The following FAM117A variants were observed in gnomAD, a reference collection of about 807,000 sequenced individuals.
The protein encoded by FAM117A is family with sequence similarity 117 member A, also known as protein FAM117A.
Under a neutral mutation model 44.1 loss-of-function variants are expected in FAM117A, and 21 were observed. The ratio of observed to expected loss-of-function variants is 0.48; its 90% CI spans 0.34 to 0.69. The LOEUF (loss-of-function observed/expected upper bound fraction) is 0.69, where lower values mean the gene tolerates loss of function less well. Among genes scored for constraint, FAM117A ranks in the 30% least tolerant of loss-of-function variants. The pLI is 0.01. For missense variants in FAM117A, 498 were observed against 589.9 expected (o/e 0.84, Z 1.61); for synonymous variants, 220 against 238.3 (o/e 0.92, Z 0.71).
chr17:49,732,886 C>G, intron 1 of FAM117A, 166 bp from the exon 2 acceptor site: 1 of 688,970 alleles, frequency 1.5e-6, no homozygotes, highest in Non-Finnish European at 2.4e-6. Flanking sequence ...TATGGTCTGA[C>G]AAGACCTTTC....
At position 49,716,222 on chromosome 17, in the gene FAM117A, A is replaced by G; in HGVS notation, c.1004T>C (p.Ile335Thr). 1.9e-6 allele frequency: 3 copies of G among 1,613,142 alleles called. No homozygotes were observed. Among genetic ancestry groups the G allele is most frequent in the Non-Finnish European group, 2.5e-6 (3 of 1,179,532 alleles). Reference protein sequence around the residue: ...AASPRPNHSYIFKREPPEGCE... With the variant: ...AASPRPNHSYTFKREPPEGCE... ...GCCTTCTGGGGGCTCCCGTTTGAAG[A>G]TGTAGCTATGATTAGGTCGAGGGGA... The change falls in exon 7 of 8, where the codon ATC becomes ACC. Residue 335 changes from isoleucine (I) to threonine (T), a missense_variant. By Grantham distance (89) the Ile-to-Thr change is moderately conservative. This residue lies in a region of FAM117A where 224 missense variants were observed against 296.5 expected (regional missense o/e 0.76). Transcript: ENST00000240364.
At chr17:49,759,065 A>C (rs1233047577) in intron 1 of FAM117A, among the ~76,000 whole-genome samples, 1 of 152,216 alleles carries the variant, frequency 6.6e-6, no homozygotes, top group Non-Finnish European at 1.5e-5. Flanking sequence ...ACTGCTTGCA[A>C]CTTTCTAAAG....
At chr17:49,714,718 CT>C (rs1256742735) in intron 7 of FAM117A, among the ~76,000 whole-genome samples, 1 of 150,858 alleles carries the variant, frequency 6.6e-6, no homozygotes, top group Admixed American at 6.6e-5. Context: ...GTGATCTCGG[CT>C]CACTGCAACC....
chr17:49,788,535 G>A (rs569828879), exon 1 of FAM117A: 2 of 379,048 alleles, frequency 5.3e-6, no homozygotes, highest in South Asian at 6.6e-5. Context: ...CACCACTGGA[G>A]TCACTTTCTG....
At chr17:49,787,768 C>A (rs1030760299) in intron 1 of FAM117A, among the ~76,000 whole-genome samples, 60 of 152,202 alleles carry the variant, frequency 3.9e-4, no homozygotes, top group African/African-American at 1.4e-3. Flanking sequence ...TGACCAACTT[C>A]TCCTTCCTAG....
chr17:49,741,045 T>C (rs1187927072), intron 1 of FAM117A, among the ~76,000 whole-genome samples: 1 of 152,088 alleles, frequency 6.6e-6, no homozygotes, highest in Admixed American at 6.6e-5. Flanking sequence ...TGGGGTGATA[T>C]AGGAGAGAAA....
At chr17:49,754,952 C>T (rs1598032073) in intron 1 of FAM117A, among the ~76,000 whole-genome samples, 2 of 149,986 alleles carry the variant, frequency 1.3e-5, no homozygotes, top group African/African-American at 2.5e-5. Flanking sequence ...GCAGGAGAAT[C>T]GCTTGAACCC....
At chr17:49,784,717 C>G (rs1414813095) in intron 1 of FAM117A, among the ~76,000 whole-genome samples, 1 of 152,212 alleles carries the variant, frequency 6.6e-6, no homozygotes, top group Non-Finnish European at 1.5e-5. Flanking sequence ...ATGAAACACT[C>G]TACCTCCTCC....
chr17:49,721,102 A>T (rs1184828533), intron 3 of FAM117A, among the ~76,000 whole-genome samples: 1 of 152,186 alleles, frequency 6.6e-6, no homozygotes, highest in East Asian at 1.9e-4. Flanking sequence ...AGGCCCTGAG[A>T]CCAGGAAGGA....
chr17:49,727,472 C>T (rs1274888452), intron 2 of FAM117A, among the ~76,000 whole-genome samples: 1 of 152,160 alleles, frequency 6.6e-6, no homozygotes, highest in Non-Finnish European at 1.5e-5. Flanking sequence ...AGATTTGACA[C>T]CCTGGCCCAG....
intron 1 of FAM117A, among the ~76,000 whole-genome samples, chr17:49,779,000 T>C (rs1048476451): frequency 1.3e-5 from 2 of 152,090 alleles, no homozygotes; most frequent in African/African-American, 2.4e-5. Flanking sequence ...TTAGTGAAAA[T>C]AGGCAAAGAA....
At chr17:49,717,480 G>C (rs1884031004) in intron 6 of FAM117A, 33 bp downstream of exon 6, 1 of 1,606,408 alleles carries the variant, frequency 6.2e-7, no homozygotes, top group African/African-American at 1.3e-5. Context: ...GTGCCCCAGA[G>C]TCAGCCCTGC....
intron 1 of FAM117A, among the ~76,000 whole-genome samples, chr17:49,760,374 A>G (rs1353461985): frequency 6.6e-6 from 1 of 152,188 alleles, no homozygotes; most frequent in East Asian, 1.9e-4. Flanking sequence ...TATAGTAAAT[A>G]TTTTAGGCTT....
Position 49,711,306 on chromosome 17 carries a change from G to A in FAM117A, c.1311C>T (p.Arg437=). The A allele has an allele frequency of 1.9e-6, 3 of 1,610,382 alleles. No homozygotes were observed. Among genetic ancestry groups the A allele is most frequent in the South Asian group, 1.1e-5 (1 of 90,804 alleles). The change falls in exon 8 of 8, where the codon CGC becomes CGT. Residue 437 remains arginine, a synonymous_variant. Coordinates refer to ENST00000240364, the MANE Select transcript of FAM117A (RefSeq NM_030802.4). ...GCACAGGCTCTTCTGATGGTGGGGT[G>A]CGCTGCCATGGCTCGAATGGCAGTG... ...ASPLPFEPWQ[R]TPPSEEPVLF...
At chr17:49,721,259 G>T (rs1489309670) in intron 3 of FAM117A, among the ~76,000 whole-genome samples, 1 of 152,040 alleles carries the variant, frequency 6.6e-6, no homozygotes, top group Non-Finnish European at 1.5e-5. Context: ...CCCATCACAT[G>T]TGCAATTCTG....
At position 49,753,543 on chromosome 17, in the gene FAM117A, C is replaced by T. The variant is rs183451153; in HGVS notation, c.196+10349G>A. On this transcript the variant is annotated intron_variant, in intron 1 of 7. Transcript: ENST00000240364. Reference sequence around the variant, plus strand: ...TGTCAAAACTAATGAAGGCCAGGCACGGTGGCTCACGCCTGTAATCCCAGC... The same window carrying T: ...TGTCAAAACTAATGAAGGCCAGGCATGGTGGCTCACGCCTGTAATCCCAGC... Among the ~76,000 whole-genome samples the T allele has an allele frequency of 2.2e-4, 33 of 152,316 alleles. 1 individual carries two copies. In the East Asian group the frequency reaches 6.2e-3, roughly 28 times the overall value.
intron 1 of FAM117A, among the ~76,000 whole-genome samples, chr17:49,782,637 C>T (rs558831651): frequency 2.1e-5 from 3 of 143,376 alleles, no homozygotes; most frequent in South Asian, 4.3e-4. Flanking sequence ...TTGCAGTGAG[C>T]TGAGATCATG....
rs2073524287 is a variant in FAM117A, at chr17:49,719,739, CAG to C, written c.708+19_708+20del. ...GTGAGGCACGGACTGTGGGTGCACT[CAG>C]GGTGCAGCCGCCACTCACCCTCAGC... On this transcript the variant is annotated intron_variant, in intron 5 of 7. Transcript: ENST00000240364. 6.5e-7 allele frequency: 1 copy of C among 1,543,044 alleles called. No individual in the cohort carries two copies. Among genetic ancestry groups the C allele is most frequent in the South Asian group, 1.2e-5 (1 of 80,498 alleles).
upstream of FAM117A, chr17:49,788,640 C>G: frequency 3.9e-6 from 2 of 518,186 alleles, no homozygotes; most frequent in Non-Finnish European, 6.8e-6. Flanking sequence ...CGAGACCCAG[C>G]CGGAAGTGAA....
Sources: allele counts gnomAD v4.1 joint callset (sites outside exome capture counted in the v4.1 genomes callset), GRCh38; gene constraint gnomAD v4.1.1; regional missense constraint gnomAD v4.1.1; transcripts MANE v1.5; gene names NCBI Gene and HGNC (gene_info 2026-07-23, HGNC 2026-07-21).